SMG7: variants seen among roughly 807,000 people sequenced by gnomAD.
SMG7 encodes SMG7 nonsense mediated mRNA decay factor, also known as nonsense-mediated mRNA decay factor SMG7.
In SMG7, 34 loss-of-function variants were observed where a neutral mutation model predicts 148.2. The ratio of observed to expected loss-of-function variants is 0.23; its 90% CI spans 0.17 to 0.31. The LOEUF (loss-of-function observed/expected upper bound fraction) is 0.31, where lower values mean the gene tolerates loss of function less well. SMG7 is among the 10% of genes least tolerant of loss of function. SMG7 has a pLI of 1.00. For missense variants in SMG7, 1,114 were observed against 1,408.4 expected (o/e 0.79, Z 3.35); for synonymous variants, 492 against 515.1 (o/e 0.96, Z 0.61).
intron 11 of SMG7, among the ~76,000 whole-genome samples, 195 bp from the exon 12 acceptor site, chr1:183,538,185 T>A (rs1477610754): frequency 6.6e-6 from 1 of 152,200 alleles, no homozygotes; most frequent in African/African-American, 2.4e-5. Context: ...TAGGGGAATG[T>A]CTGTGTCCCA....
At chr1:183,545,447 A>G in intron 16 of SMG7, 135 bp downstream of exon 16, 1 of 1,004,648 alleles carries the variant, frequency 1.0e-6, no homozygotes, top group Non-Finnish European at 1.4e-6. Flanking sequence ...AAACAAAAGT[A>G]TTGTCTCTAC....
At chr1:183,488,838 C>G (rs188539015) in intron 1 of SMG7, among the ~76,000 whole-genome samples, 2 of 151,946 alleles carry the variant, frequency 1.3e-5, no homozygotes, top group South Asian at 2.1e-4. Context: ...CACCCACCAC[C>G]ATGTCCAGCT....
chr1:183,546,196 A>G lies in SMG7; in HGVS notation c.2601A>G (p.Pro867=). 1 of 1,614,116 alleles carries G rather than the reference A, an allele frequency of 6.2e-7. No individual in the cohort carries two copies. The highest frequency in any genetic ancestry group is 1.1e-5 in the South Asian group (1 of 91,080). ...YNHNPSEVKV[P]EFYWDSSYSM... is the part of the protein sequence containing the mutation. Reference sequence around the variant, plus strand: ...ATAATCCCTCAGAAGTCAAGGTCCCAGAATTCTACTGGGATTCTTCCTACA... The same window carrying G: ...ATAATCCCTCAGAAGTCAAGGTCCCGGAATTCTACTGGGATTCTTCCTACA... Residue 867 remains proline, a synonymous_variant, in exon 17 of 23, where the codon CCA becomes CCG. Transcript: ENST00000688051.
At chr1:183,495,108 T>C (rs942716549) in intron 1 of SMG7, among the ~76,000 whole-genome samples, 1 of 152,126 alleles carries the variant, frequency 6.6e-6, no homozygotes, top group Non-Finnish European at 1.5e-5. Flanking sequence ...ATTACAGGCG[T>C]GAGCCACCGT....
chr1:183,497,631 G>A (rs1170189135), intron 1 of SMG7, among the ~76,000 whole-genome samples: 6 of 151,920 alleles, frequency 3.9e-5, no homozygotes, highest in Admixed American at 2.6e-4. Flanking sequence ...GTGCAGTGGC[G>A]CGATCTTGGC....
chr1:183,472,889 G>A, intron 1 of SMG7: 1 of 401,100 alleles, frequency 2.5e-6, no homozygotes, highest in Non-Finnish European at 4.4e-6. Flanking sequence ...GAGGAGGGAG[G>A]TTGGGGAAGC....
intron 2 of SMG7, among the ~76,000 whole-genome samples, chr1:183,514,029 CAAAAA>C (rs1035651769): frequency 1.3e-3 from 53 of 41,326 alleles, no homozygotes; most frequent in African/African-American, 3.7e-3. Context: ...GACTCCGTCT[CAAAAA>C]AAAAAAAAAA....
chr1:183,494,581 C>T (rs1379764671), intron 1 of SMG7, among the ~76,000 whole-genome samples: 1 of 149,526 alleles, frequency 6.7e-6, no homozygotes, highest in African/African-American at 2.4e-5. Flanking sequence ...ATCAAATTTC[C>T]TCAGCTCTTA....
In SMG7 at chr1:183,552,682, G is replaced by A. The variant is rs1671248181; in HGVS notation, c.*751G>A. ...AATCGAGGATACAGTGTGGGTGGTG[G>A]TGCTGGGCTGGACTAGCAGGTAGAC... On this transcript the variant is annotated 3_prime_UTR_variant, in exon 23 of 23. Coordinates refer to ENST00000688051, the MANE Select transcript of SMG7 (RefSeq NM_001375584.1). The A allele has an allele frequency of 6.7e-6, 8 of 1,191,694 alleles. No homozygotes were observed. Among genetic ancestry groups the A allele is most frequent in the Non-Finnish European group, 8.4e-6 (8 of 953,850 alleles). The allele number at this position is 1,191,694 out of a possible 1,614,324, so 73.8% of individuals were successfully genotyped here. A position where few individuals can be genotyped will look rare whatever the true frequency, so the allele number is the denominator to read the frequency against.
At chr1:183,503,114 CA>C (rs948761794) in intron 1 of SMG7, among the ~76,000 whole-genome samples, 1 of 152,152 alleles carries the variant, frequency 6.6e-6, no homozygotes, top group Non-Finnish European at 1.5e-5. Context: ...TGACCTTGGG[CA>C]AGTTATTTAA....
At chr1:183,507,964 A>G (rs1293270273) in intron 1 of SMG7, among the ~76,000 whole-genome samples, 1 of 152,104 alleles carries the variant, frequency 6.6e-6, no homozygotes, top group Non-Finnish European at 1.5e-5. Flanking sequence ...TATGTTTAAT[A>G]GTGTTATTTT....
intron 19 of SMG7, 130 bp from the exon 20 acceptor site, chr1:183,549,634 A>G (rs1289483011): frequency 5.4e-6 from 4 of 741,552 alleles, no homozygotes; most frequent in Non-Finnish European, 9.1e-6. Flanking sequence ...ACAAAAAGAA[A>G]TAAAAGCCTT....
chr1:183,544,597 G>T (rs960080213), intron 15 of SMG7, 100 bp downstream of exon 15: 37 of 1,295,124 alleles, frequency 2.9e-5, no homozygotes, highest in African/African-American at 6.0e-5. Flanking sequence ...ATGTTACTAA[G>T]CCATAAAAAG....
intron 4 of SMG7, among the ~76,000 whole-genome samples, chr1:183,523,975 A>T (rs765072068): frequency 1.1e-4 from 16 of 149,348 alleles, no homozygotes; most frequent in East Asian, 1.9e-4. Context: ...ACATATATAT[A>T]TTTTTTTTGT....
At chr1:183,515,397 A>G (rs1328931972) in intron 2 of SMG7, among the ~76,000 whole-genome samples, 2 of 152,206 alleles carry the variant, frequency 1.3e-5, no homozygotes, top group African/African-American at 4.8e-5. Flanking sequence ...AGAATTCTGT[A>G]AGGACATTTG....
rs1174709058 is a variant in SMG7 at position 183,472,540 on chromosome 1, C to A, written c.-81C>A. The A allele has an allele frequency of 5.3e-6, 7 of 1,317,348 alleles. No individual in the cohort carries two copies. The highest frequency in any genetic ancestry group is 6.9e-6 in the Non-Finnish European group (7 of 1,017,134). 81.6% of individuals were successfully genotyped at this position (1,317,348 alleles called of 1,614,324 possible). On this transcript the variant is annotated 5_prime_UTR_variant, in exon 1 of 23. Coordinates refer to ENST00000688051, the MANE Select transcript of SMG7 (RefSeq NM_001375584.1). Reference sequence around the variant, plus strand: ...GGAAGATGGCGGCGGCCGCCAGCACCCGCGGTGCCGCGGGGCCGCTCCGAG... The same window carrying A: ...GGAAGATGGCGGCGGCCGCCAGCACACGCGGTGCCGCGGGGCCGCTCCGAG...
intron 1 of SMG7, among the ~76,000 whole-genome samples, chr1:183,492,921 A>G (rs1657425491): frequency 6.6e-6 from 1 of 151,904 alleles, no homozygotes; most frequent in Non-Finnish European, 1.5e-5. Context: ...AATATTTTCC[A>G]GTTTCTCCTG....
chr1:183,526,641 C>T lies in SMG7; in HGVS notation c.358C>T (p.Arg120Cys), dbSNP rs1433658623. The part of the protein sequence containing the change: ...CTVFNVDLPC[R>C]VKSSQLGIIS... ...AGTATTTAATGTAGATTTACCATGC[C>T]GTGTGAAGTCTTCCCAATTGGGAAT... Residue 120 changes from arginine to cysteine, a missense_variant, in exon 5 of 23, where the codon CGT (arginine) becomes TGT (cysteine). Arg to Cys is a radical substitution (Grantham distance 180, BLOSUM62 -3). This residue lies in a region of SMG7 where 216 missense variants were observed against 329.1 expected (regional missense o/e 0.66). Coordinates refer to ENST00000688051, the MANE Select transcript of SMG7 (RefSeq NM_001375584.1). 14 of 1,613,066 alleles carry T rather than the reference C, an allele frequency of 8.7e-6. No individual in the cohort carries two copies. The highest frequency in any genetic ancestry group is 1.2e-5 in the Non-Finnish European group (14 of 1,179,336).
intron 1 of SMG7, among the ~76,000 whole-genome samples, chr1:183,491,245 C>T (rs1656898253): frequency 6.6e-6 from 1 of 152,196 alleles, no homozygotes; most frequent in Admixed American, 6.5e-5. Context: ...TAAAACATGC[C>T]AAGCAATTAA....
Sources: allele counts gnomAD v4.1 joint callset (sites outside exome capture counted in the v4.1 genomes callset), GRCh38; gene constraint gnomAD v4.1.1; regional missense constraint gnomAD v4.1.1; transcripts MANE v1.5; gene names NCBI Gene and HGNC (gene_info 2026-07-23, HGNC 2026-07-21).